Variants in PIP5K1A observed in about 807,000 individuals in gnomAD.
PIP5K1A encodes the protein phosphatidylinositol 4-phosphate 5-kinase type-1 alpha.
PIP5K1A carries 46 observed loss-of-function variants against 72.9 expected under a neutral mutation model. That is an observed-to-expected ratio of 0.63 (90% CI 0.50 to 0.81). The LOEUF is 0.81. PIP5K1A is among the 30% of genes least tolerant of loss of function. The pLI is 0.00. For missense variants in PIP5K1A, 458 were observed against 706.1 expected (o/e 0.65, Z 3.98); for synonymous variants, 228 against 255.1 (o/e 0.89, Z 1.01).
At chr1:151,216,911 T>TG (rs1403072936) in intron 1 of PIP5K1A, among the ~76,000 whole-genome samples, 7 of 15,702 alleles carry the variant, frequency 4.5e-4, no homozygotes, top group African/African-American at 1.1e-3. Flanking sequence ...TTTTTTTTTT[T>TG]TTTTTTTTTT....
rs750129788 is a variant in PIP5K1A, at chr1:151,232,326, C to T, written c.447C>T (p.Tyr149=). The change falls in exon 6 of 16, where the codon TAC becomes TAT. Residue 149 remains tyrosine, a synonymous_variant. Transcript: ENST00000368888. ...CCTATGCACCTGTTGCCTTCCGCTA[C>T]TTCCGGGAGCTATTTGGTATCCGGC... is the stretch of plus-strand genomic sequence containing the variant. ...FKTYAPVAFR[Y]FRELFGIRPD... The T allele has an allele frequency of 3.1e-6, 5 of 1,613,934 alleles. No individual in the cohort carries two copies. The highest frequency in any genetic ancestry group is 4.2e-6 in the Non-Finnish European group (5 of 1,179,902).
chr1:151,200,905 C>T (rs1171696023), intron 1 of PIP5K1A, among the ~76,000 whole-genome samples: 2 of 152,146 alleles, frequency 1.3e-5, no homozygotes, highest in African/African-American at 4.8e-5. Context: ...TCTCGGCTCA[C>T]TGCAAGCTCT....
intron 12 of PIP5K1A, among the ~76,000 whole-genome samples, chr1:151,240,888 G>A (rs778176008): frequency 5.3e-5 from 8 of 152,188 alleles, no homozygotes; most frequent in Non-Finnish European, 7.3e-5. Context: ...TTCTTGGCCC[G>A]GCACGGTGGC....
At chr1:151,237,061 C>T (rs1690993651) in intron 9 of PIP5K1A, among the ~76,000 whole-genome samples, 1 of 152,040 alleles carries the variant, frequency 6.6e-6, no homozygotes, top group African/African-American at 2.4e-5. Context: ...AACTCCTGAC[C>T]TCAGGTGATC....
intron 4 of PIP5K1A, among the ~76,000 whole-genome samples, chr1:151,228,410 A>G (rs1457292193): frequency 2.0e-5 from 3 of 152,158 alleles, no homozygotes; most frequent in East Asian, 1.9e-4. Context: ...TAAACCTTCC[A>G]AAGTGCTGGA....
At chr1:151,234,576 TG>T (rs1256448370) in intron 8 of PIP5K1A, 80 bp downstream of exon 8, 1 of 1,108,520 alleles carries the variant, frequency 9.0e-7, no homozygotes, top group Admixed American at 1.7e-5. Context: ...TTGTGGGAGA[TG>T]GAACTCTGTT....
chr1:151,238,383 C>G (rs1691183506), intron 10 of PIP5K1A, 118 bp downstream of exon 10: 2 of 723,566 alleles, frequency 2.8e-6, no homozygotes, highest in East Asian at 2.5e-5. Context: ...GAGTTGCAGT[C>G]TGGCTACTTA....
At position 151,232,331 on chromosome 1, in the gene PIP5K1A, G is replaced by A; in HGVS notation, c.452G>A (p.Arg151Gln). 3 of 1,613,944 alleles carry A rather than the reference G, an allele frequency of 1.9e-6. No individual in the cohort carries two copies. Among genetic ancestry groups the A allele is most frequent in the Non-Finnish European group, 2.5e-6 (3 of 1,179,854 alleles). ...GCACCTGTTGCCTTCCGCTACTTCC[G>A]GGAGCTATTTGGTATCCGGCCCGAT... Reference protein sequence around the residue: ...TYAPVAFRYFRELFGIRPDDY... With the variant: ...TYAPVAFRYFQELFGIRPDDY... Residue 151 changes from arginine to glutamine, a missense_variant, in exon 6 of 16, where the codon CGG becomes CAG. Transcript: ENST00000368888.
intron 12 of PIP5K1A, among the ~76,000 whole-genome samples, chr1:151,241,882 G>T (rs587628539): frequency 6.6e-6 from 1 of 152,180 alleles, no homozygotes; most frequent in Admixed American, 6.5e-5. Context: ...CTCCATGTTG[G>T]GGGGTTAGGT....
chr1:151,213,535 T>C (rs1324776034), intron 1 of PIP5K1A: 2 of 152,202 alleles, frequency 1.3e-5, no homozygotes, highest in Non-Finnish European at 2.9e-5. Flanking sequence ...ATCTCTTATA[T>C]GTGCTGATAC....
chr1:151,198,002 A>T (rs1221071040), upstream of PIP5K1A: 7 of 465,634 alleles, frequency 1.5e-5, no homozygotes, highest in Non-Finnish European at 2.2e-5. Flanking sequence ...CTTTTTTGAC[A>T]GGTCTTCACT....
At chr1:151,216,160 A>G (rs1687570767) in intron 1 of PIP5K1A, among the ~76,000 whole-genome samples, 1 of 152,042 alleles carries the variant, frequency 6.6e-6, no homozygotes, top group African/African-American at 2.4e-5. Context: ...CATCCTGGCT[A>G]ACACAGTGAA....
chr1:151,200,680 T>C (rs980211469), intron 1 of PIP5K1A, among the ~76,000 whole-genome samples: 2 of 152,202 alleles, frequency 1.3e-5, no homozygotes, highest in Non-Finnish European at 2.9e-5. Flanking sequence ...TGCAGTTTTA[T>C]TTATTTTTAA....
chr1:151,227,743 T>C (rs1010792128), intron 4 of PIP5K1A, among the ~76,000 whole-genome samples: 1 of 152,062 alleles, frequency 6.6e-6, no homozygotes, highest in African/African-American at 2.4e-5. Flanking sequence ...ATACAAAAAT[T>C]AGCTGGGTGG....
chr1:151,219,871 T>G (rs1426960433), intron 1 of PIP5K1A, among the ~76,000 whole-genome samples: 3 of 149,488 alleles, frequency 2.0e-5, no homozygotes, highest in African/African-American at 4.9e-5. Context: ...TTTTTTTTTT[T>G]GCCGAGATGG....
chr1:151,218,662 C>T (rs905687950), intron 1 of PIP5K1A, among the ~76,000 whole-genome samples: 4 of 151,768 alleles, frequency 2.6e-5, no homozygotes, highest in Admixed American at 6.6e-5. Context: ...GGTGAAACCC[C>T]GTCTTGACTG....
chr1:151,243,999 G>T (rs1343560455), intron 14 of PIP5K1A, among the ~76,000 whole-genome samples: 2 of 152,006 alleles, frequency 1.3e-5, no homozygotes, highest in African/African-American at 2.4e-5. Flanking sequence ...CCACATCCCA[G>T]ATTCAACCAA....
chr1:151,199,626 A>G (rs1194090857), intron 1 of PIP5K1A, among the ~76,000 whole-genome samples: 1 of 152,062 alleles, frequency 6.6e-6, no homozygotes, highest in Non-Finnish European at 1.5e-5. Context: ...AAAAAAAAAA[A>G]AAGAAGTTGC....
At chr1:151,233,851 A>G (rs1224518117) in intron 7 of PIP5K1A, 1 of 231,048 alleles carries the variant, frequency 4.3e-6, no homozygotes, top group East Asian at 1.0e-4. Context: ...GTTCTGGAGA[A>G]GTTAGGTAAC....
Sources: allele counts gnomAD v4.1 joint callset (sites outside exome capture counted in the v4.1 genomes callset), GRCh38; gene constraint gnomAD v4.1.1; transcripts MANE v1.5; gene names NCBI Gene and HGNC (gene_info 2026-07-23, HGNC 2026-07-21).